The following FRK variants were observed in gnomAD, a reference collection of about 807,000 sequenced individuals.
FRK encodes the protein tyrosine-protein kinase FRK.
In FRK, 51 loss-of-function variants were observed where a neutral mutation model predicts 56.4. The observed-to-expected ratio is 0.90, with a 90% CI of 0.72 to 1.14. FRK has a LOEUF of 1.14. Among genes scored for constraint, FRK ranks in the 50% most tolerant of loss-of-function variants. The probability of loss-of-function intolerance (pLI) is 0.00; values close to 1 mark genes in which losing one functional copy is unlikely to be tolerated. For synonymous variants in FRK, 245 were observed against 217.9 expected, an observed-to-expected ratio of 1.12 and a Z score of -1.10; for missense variants, 570 against 601.4, an observed-to-expected ratio of 0.95 and a Z score of 0.55.
chr6:116,065,869 T>C (rs1777752718), upstream of FRK, among the ~76,000 whole-genome samples: 1 of 152,200 alleles, frequency 6.6e-6, no homozygotes, highest in African/African-American at 2.4e-5. Context: ...GTTTATTATA[T>C]CTTATGTAGT....
upstream of FRK, among the ~76,000 whole-genome samples, chr6:116,062,079 AT>A (rs1777646923): frequency 1.3e-5 from 2 of 152,054 alleles, no homozygotes; most frequent in Non-Finnish European, 2.9e-5. Context: ...CCAACCTGCT[AT>A]TACTTTGTGC....
intron 2 of FRK, among the ~76,000 whole-genome samples, chr6:115,978,810 T>C (rs563674502): frequency 7.2e-5 from 11 of 152,168 alleles, no homozygotes; most frequent in Non-Finnish European, 1.3e-4. Context: ...GGTTTATGTA[T>C]TTACTATGCT....
intron 5 of FRK, among the ~76,000 whole-genome samples, chr6:115,955,390 T>A (rs961931320): frequency 3.9e-5 from 6 of 152,116 alleles, no homozygotes; most frequent in Non-Finnish European, 8.8e-5. Flanking sequence ...TTATAAAGCA[T>A]TTTTTGTTAG....
intron 1 of FRK, among the ~76,000 whole-genome samples, chr6:116,020,327 G>A (rs148872310): frequency 2.2e-3 from 335 of 150,602 alleles, no homozygotes; most frequent in African/African-American, 7.8e-3. Flanking sequence ...AGTTTTGCTC[G>A]GACGCCCAGG....
chr6:116,006,571 C>A (rs569657694), intron 1 of FRK, among the ~76,000 whole-genome samples: 2 of 152,118 alleles, frequency 1.3e-5, no homozygotes, highest in Non-Finnish European at 2.9e-5. Context: ...ACTAAAGAAT[C>A]CTGGCATTGA....
At chr6:115,993,480 T>C (rs1025829206) in intron 2 of FRK, among the ~76,000 whole-genome samples, 1 of 151,872 alleles carries the variant, frequency 6.6e-6, no homozygotes, top group African/African-American at 2.4e-5. Context: ...GCCCTAGGTA[T>C]AAATGTTTTC....
the FRK span, among the ~76,000 whole-genome samples, chr6:116,100,547 T>C: frequency 6.6e-6 from 1 of 152,176 alleles, no homozygotes; most frequent in East Asian, 1.9e-4. Flanking sequence ...CCCGGTTAAT[T>C]TTGTGGTAGC....
intron 5 of FRK, among the ~76,000 whole-genome samples, chr6:115,950,630 AC>A (rs1221224224): frequency 1.3e-5 from 2 of 152,196 alleles, no homozygotes; most frequent in African/African-American, 4.8e-5. Flanking sequence ...AGGATCTAGA[AC>A]TAGAAAATAC....
intron 2 of FRK, among the ~76,000 whole-genome samples, chr6:115,974,581 C>T (rs1323950404): frequency 2.0e-5 from 3 of 151,944 alleles, no homozygotes; most frequent in Non-Finnish European, 4.4e-5. Flanking sequence ...GTCTCATGGG[C>T]CTTGATTTCT....
chr6:116,027,086 A>G (rs9398427), intron 1 of FRK, among the ~76,000 whole-genome samples: 151,560 of 152,278 alleles, frequency 1, 75,426 homozygotes, highest in Middle Eastern at 1. Context: ...TAGATGTGTT[A>G]GAAAACTGTT....
the FRK span, among the ~76,000 whole-genome samples, chr6:116,066,952 T>C: frequency 6.6e-6 from 1 of 152,190 alleles, no homozygotes; most frequent in Admixed American, 6.5e-5. Context: ...TCCAAAAGGA[T>C]ATGTTGAAAT....
At chr6:116,077,482 AAATTTGT>A in the FRK span, among the ~76,000 whole-genome samples, 13 of 152,186 alleles carry the variant, frequency 8.5e-5, no homozygotes, top group Non-Finnish European at 1.9e-4. Context: ...CAACTCATTC[AAATTTGT>A]AATTTGATCC....
At chr6:116,064,301 T>G (rs1041792343), upstream of FRK, among the ~76,000 whole-genome samples, 2 of 152,308 alleles carry the variant, frequency 1.3e-5, no homozygotes, top group Non-Finnish European at 2.9e-5. Context: ...AAACTTCTAC[T>G]TGGTTTGTGG....
chr6:116,060,214 C>T lies in FRK; in HGVS notation c.98G>A (p.Gly33Glu). The change falls in exon 1 of 8, where the codon GGG becomes GAG. Residue 33 changes from glycine to glutamate, a missense_variant. Transcript: ENST00000606080. Reference sequence around the variant, plus strand: ...CTGTGACTGGGGAGAGCAAAGGGCCCCTGGATTTTCAATCACGGTTGACTT... The same window carrying T: ...CTGTGACTGGGGAGAGCAAAGGGCCTCTGGATTTTCAATCACGGTTGACTT... ...ADKSTVIENP[G>E]ALCSPQSQRH... 6.2e-7 allele frequency: 1 copy of T among 1,614,056 alleles called. No homozygotes were observed. Among genetic ancestry groups the T allele is most frequent in the Non-Finnish European group, 8.5e-7 (1 of 1,180,012 alleles).
At chr6:116,010,582 G>T (rs1330970221) in intron 1 of FRK, among the ~76,000 whole-genome samples, 1 of 152,184 alleles carries the variant, frequency 6.6e-6, no homozygotes, top group African/African-American at 2.4e-5. Flanking sequence ...AAATCTGAAT[G>T]ACTAAAGGAC....
At chr6:115,966,965 T>C (rs899304917) in intron 4 of FRK, among the ~76,000 whole-genome samples, 1 of 60,980 alleles carries the variant, frequency 1.6e-5, no homozygotes, top group Non-Finnish European at 3.3e-5. Context: ...CAAGATCATA[T>C]GACCAGAAAT....
rs5879359 is a variant in FRK, at chr6:115,958,704, G to GAAAGAAAGA, written c.800-2095_800-2094insTCTTTCTTT. On this transcript the variant is annotated intron_variant, in intron 4 of 7. Transcript: ENST00000606080. ...AGAAAGAAAGAAAGAAAGAAAGAAA[G>GAAAGAAAGA]AAGAAAGAAAGAAAGAAAGAAAGAA... 7.2e-4 allele frequency among the ~76,000 whole-genome samples: 5 copies of GAAAGAAAGA among 6,968 alleles called. 1 individual carries two copies. The highest frequency in any genetic ancestry group is 1.2e-3 in the African/African-American group (3 of 2,484). The allele number at this position is 6,968 out of a possible 152,430, so 4.6% of individuals were successfully genotyped here.
chr6:115,968,188 TACTC>T (rs1447413151), intron 3 of FRK, among the ~76,000 whole-genome samples: 1 of 152,224 alleles, frequency 6.6e-6, no homozygotes, highest in African/African-American at 2.4e-5. Flanking sequence ...TTCATTTAGT[TACTC>T]ATTCATTTAG....
intron 2 of FRK, among the ~76,000 whole-genome samples, chr6:115,970,771 G>A (rs1484378968): frequency 6.6e-6 from 1 of 152,094 alleles, no homozygotes; most frequent in South Asian, 2.1e-4. Context: ...AAATTAGCCA[G>A]GATTGGTGGC....
Sources: gnomAD v4.1 joint callset for allele counts (sites outside exome capture counted in the v4.1 genomes callset) on GRCh38, gnomAD v4.1.1 for gene constraint, MANE v1.5 for transcripts, NCBI Gene and HGNC (gene_info 2026-07-23, HGNC 2026-07-21) for gene names.